Variants in NEGR1 observed in about 807,000 individuals in gnomAD.
NEGR1 encodes IgLON family member 4.
A neutral mutation model predicts 40.9 loss-of-function variants in NEGR1; 10 were observed. The observed-to-expected ratio is 0.24, with a 90% CI of 0.15 to 0.42. The LOEUF is 0.42. Ranked by LOEUF, NEGR1 falls within the 10% of genes least tolerant of loss-of-function variation. NEGR1 has a pLI of 1.00. For synonymous variants in NEGR1, 185 were observed against 166.8 expected (o/e 1.11, Z -0.84); for missense variants, 352 against 438.9 (o/e 0.80, Z 1.77).
At chr1:71,793,290 A>ATATATATATATAT (rs1657186718) in intron 2 of NEGR1, among the ~76,000 whole-genome samples, 1 of 2,836 alleles carries the variant, frequency 3.5e-4, no homozygotes, top group Non-Finnish European at 1.2e-3. Flanking sequence ...TTGTATTTTT[A>ATATATATATATAT]GTAGAGACAG....
intron 6 of NEGR1, among the ~76,000 whole-genome samples, chr1:71,587,350 A>G (rs984388345): frequency 6.6e-6 from 1 of 152,174 alleles, no homozygotes; most frequent in East Asian, 1.9e-4. Flanking sequence ...TACTTTCTCC[A>G]GTAGACTCTT....
chr1:71,672,387 A>G (rs1652467231), intron 4 of NEGR1, among the ~76,000 whole-genome samples: 1 of 152,230 alleles, frequency 6.6e-6, no homozygotes, highest in South Asian at 2.1e-4. Flanking sequence ...TAAAACATAC[A>G]TTCCAAAGAT....
At chr1:72,123,325 C>A (rs1234063192) in intron 1 of NEGR1, among the ~76,000 whole-genome samples, 1 of 151,358 alleles carries the variant, frequency 6.6e-6, no homozygotes, top group Non-Finnish European at 1.5e-5. Context: ...ATAATTCATG[C>A]AACTGTATAT....
chr1:71,970,848 A>C (rs1242189587), intron 1 of NEGR1, among the ~76,000 whole-genome samples: 1 of 152,236 alleles, frequency 6.6e-6, no homozygotes. Context: ...TACACATTCA[A>C]GGGGACAGAC....
At chr1:71,990,433 A>T (rs1371570743) in intron 1 of NEGR1, among the ~76,000 whole-genome samples, 1 of 152,190 alleles carries the variant, frequency 6.6e-6, no homozygotes, top group Non-Finnish European at 1.5e-5. Flanking sequence ...ACCCTTTCCA[A>T]GATCCAAGAT....
At chr1:71,507,741 G>A (rs1326144756) in intron 6 of NEGR1, among the ~76,000 whole-genome samples, 16 of 152,094 alleles carry the variant, frequency 1.1e-4, no homozygotes, top group Admixed American at 3.9e-4. Context: ...TGGAAAATGC[G>A]AGCCACTTTA....
chr1:71,885,315 C>A (rs967395435), intron 2 of NEGR1, among the ~76,000 whole-genome samples: 3 of 152,220 alleles, frequency 2.0e-5, no homozygotes, highest in Non-Finnish European at 4.4e-5. Flanking sequence ...AGAGAACACT[C>A]ACATTATTTT....
chr1:71,882,624 G>C (rs777051794), intron 2 of NEGR1, among the ~76,000 whole-genome samples: 1 of 151,018 alleles, frequency 6.6e-6, no homozygotes, highest in Non-Finnish European at 1.5e-5. Flanking sequence ...ATTTAATAAG[G>C]CTTAAAAGGG....
At chr1:71,902,469 G>A (rs1057105884) in intron 2 of NEGR1, among the ~76,000 whole-genome samples, 5 of 152,120 alleles carry the variant, frequency 3.3e-5, no homozygotes, top group African/African-American at 1.2e-4. Context: ...GTATTTTTAT[G>A]AGGAGTTAAA....
At chr1:71,907,815 T>G (rs1485488841) in intron 2 of NEGR1, among the ~76,000 whole-genome samples, 1 of 152,112 alleles carries the variant, frequency 6.6e-6, no homozygotes, top group East Asian at 1.9e-4. Context: ...TGGAATACTA[T>G]GCAGCCATGA....
intron 2 of NEGR1, among the ~76,000 whole-genome samples, chr1:71,895,953 C>T (rs546567994): frequency 1.4e-4 from 21 of 151,548 alleles, no homozygotes; most frequent in Non-Finnish European, 2.4e-4. Flanking sequence ...TTATTCAACA[C>T]TTATTATTAT....
intron 1 of NEGR1, among the ~76,000 whole-genome samples, chr1:72,222,535 G>T (rs1654047743): frequency 6.6e-6 from 1 of 152,050 alleles, no homozygotes; most frequent in Non-Finnish European, 1.5e-5. Context: ...TAAAGACATG[G>T]GGATGTATAA....
At chr1:71,859,556 C>T (rs1659880713) in intron 2 of NEGR1, among the ~76,000 whole-genome samples, 1 of 151,958 alleles carries the variant, frequency 6.6e-6, no homozygotes, top group South Asian at 2.1e-4. Context: ...CTAAAGCAGC[C>T]ATAGACAATA....
At chr1:71,912,333 GT>G (rs1239387984) in intron 2 of NEGR1, among the ~76,000 whole-genome samples, 1 of 152,000 alleles carries the variant, frequency 6.6e-6, no homozygotes, top group Non-Finnish European at 1.5e-5. Context: ...ACTCTGATCT[GT>G]TTTTCTATAT....
chr1:71,680,073 ATAT>A (rs1483298529), intron 4 of NEGR1, among the ~76,000 whole-genome samples: 1 of 151,958 alleles, frequency 6.6e-6, no homozygotes, highest in Non-Finnish European at 1.5e-5. Context: ...TTGGTCTATA[ATAT>A]TATTTCCTTC....
chr1:71,682,558 T>C (rs1652874553), intron 4 of NEGR1, among the ~76,000 whole-genome samples: 1 of 152,204 alleles, frequency 6.6e-6, no homozygotes, highest in Admixed American at 6.5e-5. Context: ...GTTTTTGTTT[T>C]GTTTTGTGAG....
chr1:71,625,537 T>C (rs1286991169), intron 4 of NEGR1, among the ~76,000 whole-genome samples: 3 of 151,880 alleles, frequency 2.0e-5, no homozygotes, highest in Admixed American at 6.6e-5. Context: ...GCAAATACTA[T>C]GCCATTTTAT....
intron 3 of NEGR1, among the ~76,000 whole-genome samples, chr1:71,771,608 A>G (rs1377620960): frequency 7.3e-6 from 1 of 136,282 alleles, no homozygotes; most frequent in Non-Finnish European, 1.5e-5. Context: ...CTGAGACAGG[A>G]GAATCGTTTG....
chr1:71,662,687 GAATA>G (rs1293544529), intron 4 of NEGR1, among the ~76,000 whole-genome samples: 18 of 150,876 alleles, frequency 1.2e-4, no homozygotes, highest in African/African-American at 4.4e-4. Context: ...ATACAATCAA[GAATA>G]TATATATAAT....
Sources: allele counts gnomAD v4.1 joint callset (sites outside exome capture counted in the v4.1 genomes callset), GRCh38; gene constraint gnomAD v4.1.1; transcripts MANE v1.5; gene names NCBI Gene and HGNC (gene_info 2026-07-23, HGNC 2026-07-21).